IL1RL2: variants seen among roughly 807,000 people sequenced by gnomAD.
The protein encoded by IL1RL2 is interleukin-1 receptor-like 2.
In IL1RL2, 68 loss-of-function variants were observed where a neutral mutation model predicts 66.8. The ratio of observed to expected loss-of-function variants is 1.02; its 90% CI spans 0.84 to 1.25. The LOEUF (loss-of-function observed/expected upper bound fraction) is 1.25, where lower values mean the gene tolerates loss of function less well. Among genes scored for constraint, IL1RL2 ranks in the 50% most tolerant of loss-of-function variants. The pLI is 0.00. For synonymous variants in IL1RL2, 305 were observed against 264.6 expected (o/e 1.15, Z -1.48); for missense variants, 729 against 709.3 (o/e 1.03, Z -0.32).
At chr2:102,214,288 A>G (rs1373460432) in intron 6 of IL1RL2, among the ~76,000 whole-genome samples, 1 of 152,192 alleles carries the variant, frequency 6.6e-6, no homozygotes, top group African/African-American at 2.4e-5. Context: ...TTCTACTTAG[A>G]AATTTTGAGA....
intron 10 of IL1RL2, among the ~76,000 whole-genome samples, chr2:102,233,369 G>A (rs945399377): frequency 6.6e-6 from 1 of 152,092 alleles, no homozygotes; most frequent in African/African-American, 2.4e-5. Context: ...AGCAGCACGC[G>A]TCTCACTTTG....
In IL1RL2 at chr2:102,235,284, G is replaced by A. The variant is rs772716830; in HGVS notation, c.1678+7G>A. On this transcript the variant is annotated splice_region_variant and intron_variant, in intron 11 of 11. Transcript: ENST00000264257. ...CCTTGCTACCGCACCGCAGGTGAGC[G>A]GGTGGGAGGACACGAGGTTTGTCAC... 5.5e-5 allele frequency: 89 copies of A among 1,609,748 alleles called. No homozygotes were observed. Among genetic ancestry groups the A allele is most frequent in the Admixed American group, 3.7e-4 (22 of 59,934 alleles).
chr2:102,188,345 G>A (rs1686891377), intron 2 of IL1RL2, among the ~76,000 whole-genome samples: 1 of 152,166 alleles, frequency 6.6e-6, no homozygotes, highest in Non-Finnish European at 1.5e-5. Context: ...AGTACTTTGG[G>A]AGGCCAAGGC....
At chr2:102,189,917 G>T (rs951761372) in intron 3 of IL1RL2, among the ~76,000 whole-genome samples, 1 of 152,232 alleles carries the variant, frequency 6.6e-6, no homozygotes, top group Admixed American at 6.5e-5. Flanking sequence ...CTCCCAAAGT[G>T]CTGGGATTAC....
At chr2:102,187,424 A>C in intron 1 of IL1RL2, 1 of 1,092,088 alleles carries the variant, frequency 9.2e-7, no homozygotes, top group Non-Finnish European at 1.1e-6. Flanking sequence ...GATCCCGAGG[A>C]CACAGGCGCG....
chr2:102,202,215 C>T (rs548041911), intron 5 of IL1RL2, among the ~76,000 whole-genome samples: 32 of 152,172 alleles, frequency 2.1e-4, no homozygotes, highest in Non-Finnish European at 4.3e-4. Context: ...CTCTCTTGAA[C>T]ATATGCCTGG....
rs1013523944 is a variant in IL1RL2 at position 102,235,219 on chromosome 2, G to A, written c.1620G>A (p.Arg540=). 2 of 1,614,182 alleles carry A rather than the reference G, an allele frequency of 1.2e-6. No homozygotes were observed. Among genetic ancestry groups the A allele is most frequent in the Non-Finnish European group, 1.7e-6 (2 of 1,180,040 alleles). The change falls in exon 11 of 12, where the codon AGG becomes AGA. Residue 540 remains arginine (R), a synonymous_variant. Coordinates refer to ENST00000264257, the MANE Select transcript of IL1RL2 (RefSeq NM_003854.4). ...KTVRYHMPPR[R]CRPFPPVQLL... ...TGAGATACCACATGCCGCCCAGAAGGTGTCGGCCGTTTCCTCCGGTCCAGC... is the reference window on the plus strand; with the variant it reads ...TGAGATACCACATGCCGCCCAGAAGATGTCGGCCGTTTCCTCCGGTCCAGC...
chr2:102,222,099 A>G (rs1394191160), intron 8 of IL1RL2, among the ~76,000 whole-genome samples: 3 of 152,174 alleles, frequency 2.0e-5, no homozygotes, highest in Non-Finnish European at 4.4e-5. Context: ...TCCTAATAAT[A>G]CAATTTATTT....
At chr2:102,230,702 T>C (rs1262422235) in intron 9 of IL1RL2, among the ~76,000 whole-genome samples, 1 of 152,188 alleles carries the variant, frequency 6.6e-6, no homozygotes, top group Non-Finnish European at 1.5e-5. Context: ...CGTGTGTGTG[T>C]GCATGCGTGT....
At chr2:102,242,935 C>T (rs890436240), downstream of IL1RL2, among the ~76,000 whole-genome samples, 1 of 152,188 alleles carries the variant, frequency 6.6e-6, no homozygotes, top group East Asian at 1.9e-4. Flanking sequence ...CTATTTATAT[C>T]TGATCATTTG....
rs549352797 is a variant in IL1RL2 at position 102,224,773 on chromosome 2, G to T, written c.992-1125G>T. Among the ~76,000 whole-genome samples, 4 of 152,292 alleles carry T rather than the reference G, an allele frequency of 2.6e-5. No homozygotes were observed. In the East Asian group the frequency reaches 5.8e-4, roughly 22 times the overall value. ...GAAATGATGAATGTTTGAGGTGATG[G>T]TTATCCCAATTGCCCTGATTTGATC... On this transcript the variant is annotated intron_variant, in intron 8 of 11. Transcript: ENST00000264257.
chr2:102,189,176 T>G lies in IL1RL2; in HGVS notation c.159T>G (p.Ser53Arg). The change falls in exon 3 of 12, where the codon AGT becomes AGG. Residue 53 changes from serine (S) to arginine (R), a missense_variant. Ser to Arg is a moderately radical substitution (Grantham distance 110, BLOSUM62 -1). Coordinates refer to ENST00000264257, the MANE Select transcript of IL1RL2 (RefSeq NM_003854.4). ...TFPPITSGEV[S>R]VTWYKNSSKI... ...CTCCCATAACATCTGGGGAAGTCAG[T>G]GTAACATGGTATAAAAATTCTAGCA... is the stretch of plus-strand genomic sequence containing the variant. 6.2e-7 allele frequency: 1 copy of G among 1,614,076 alleles called. No homozygotes were observed. The highest frequency in any genetic ancestry group is 8.5e-7 in the Non-Finnish European group (1 of 1,179,928).
chr2:102,214,961 C>A (rs1247672391), intron 6 of IL1RL2, among the ~76,000 whole-genome samples: 2 of 152,136 alleles, frequency 1.3e-5, no homozygotes, highest in Admixed American at 1.3e-4. Context: ...AGCACAGAAA[C>A]CCAGGATGGC....
intron 5 of IL1RL2, among the ~76,000 whole-genome samples, chr2:102,205,022 A>AT (rs1057285332): frequency 3.1e-4 from 47 of 151,056 alleles, no homozygotes; most frequent in Non-Finnish European, 1.6e-4. Context: ...ACTCTATTGC[A>AT]TTTTTTCTGG....
intron 6 of IL1RL2, among the ~76,000 whole-genome samples, chr2:102,215,116 C>T (rs1230534582): frequency 6.7e-6 from 1 of 149,812 alleles, no homozygotes; most frequent in Non-Finnish European, 1.5e-5. Flanking sequence ...CAGACACCTG[C>T]AGTTCTTGCT....
intron 9 of IL1RL2, among the ~76,000 whole-genome samples, chr2:102,229,655 G>C (rs1203421525): frequency 1.3e-5 from 2 of 152,164 alleles, no homozygotes; most frequent in Non-Finnish European, 2.9e-5. Flanking sequence ...TAATGTATTG[G>C]TCAGTAAATT....
chr2:102,226,195 T>C (rs1437887868), intron 9 of IL1RL2, among the ~76,000 whole-genome samples, 154 bp downstream of exon 9: 4 of 152,180 alleles, frequency 2.6e-5, no homozygotes, highest in Non-Finnish European at 5.9e-5. Flanking sequence ...AGAGAAATGA[T>C]TTGTCCCTAA....
At chr2:102,210,138 G>C (rs778402956) in intron 5 of IL1RL2, among the ~76,000 whole-genome samples, 37 of 152,138 alleles carry the variant, frequency 2.4e-4, no homozygotes, top group Non-Finnish European at 4.3e-4. Context: ...TGATGCTGAT[G>C]GTCAGGAAGC....
rs144830884 is a variant in IL1RL2 at position 102,199,985 on chromosome 2, C to A, written c.490-1571C>A. ...ACCAGCCTGGGCTTCATGGTGAAAC[C>A]CCACCTGTACTAAAAAAACAAAAAA... is the stretch of plus-strand genomic sequence containing the variant. On this transcript the variant is annotated intron_variant, in intron 4 of 11. Transcript: ENST00000264257. Among the ~76,000 whole-genome samples the A allele has an allele frequency of 1.5e-3, 235 of 152,036 alleles. 2 individuals are homozygous for A. Among genetic ancestry groups the A allele is most frequent in the Non-Finnish European group, 2.7e-3 (183 of 67,970 alleles).
Sources: allele counts gnomAD v4.1 joint callset (sites outside exome capture counted in the v4.1 genomes callset), GRCh38; gene constraint gnomAD v4.1.1; transcripts MANE v1.5; gene names NCBI Gene and HGNC (gene_info 2026-07-23, HGNC 2026-07-21).